KAT7: variants seen among roughly 807,000 people sequenced by gnomAD.
KAT7 encodes the protein histone acetyltransferase KAT7.
KAT7 carries 10 observed loss-of-function variants against 82.1 expected under a neutral mutation model. The observed-to-expected ratio is 0.12, with a 90% CI of 0.08 to 0.21. The LOEUF is 0.21. Ranked by LOEUF, KAT7 falls within the 10% of genes least tolerant of loss-of-function variation. The pLI is 1.00. For synonymous variants in KAT7, 250 were observed against 262.5 expected (o/e 0.95, Z 0.46); for missense variants, 378 against 760.9 (o/e 0.50, Z 5.92).
At chr17:49,793,921 A>C (rs1001842678) in intron 2 of KAT7, among the ~76,000 whole-genome samples, 7 of 152,134 alleles carry the variant, frequency 4.6e-5, no homozygotes, top group African/African-American at 1.7e-4. Context: ...AAAAACCATC[A>C]GTTTTTCAAG....
rs16948371 is a variant in KAT7, at chr17:49,788,714, A to C, written c.-121A>C. ...CTCCAGACGCTGAGAGGCAGGAGGC[A>C]CTAGGGATCGTCCGCAGGATTGGGA... is the stretch of plus-strand genomic sequence containing the variant. On this transcript the variant is annotated 5_prime_UTR_variant, in exon 1 of 15. Coordinates refer to ENST00000259021, the MANE Select transcript of KAT7 (RefSeq NM_007067.5). The C allele has an allele frequency of 1.8e-6, 2 of 1,104,266 alleles. No individual in the cohort carries two copies. Among genetic ancestry groups the C allele is most frequent in the Non-Finnish European group, 2.5e-6 (2 of 787,062 alleles). The allele number at this position is 1,104,266 out of a possible 1,614,324, so 68.4% of individuals were successfully genotyped here. A position where few individuals can be genotyped will look rare whatever the true frequency, so the allele number is the denominator to read the frequency against.
intron 5 of KAT7, among the ~76,000 whole-genome samples, chr17:49,808,819 T>G (rs1446201655): frequency 6.6e-6 from 1 of 152,220 alleles, no homozygotes; most frequent in African/African-American, 2.4e-5. Context: ...TCATGCTTTT[T>G]TAATTTATTT....
rs2074394273 is a variant in KAT7, at chr17:49,828,522, A to G, written c.*1020A>G. On this transcript the variant is annotated 3_prime_UTR_variant, in exon 15 of 15. Transcript: ENST00000259021. ...CCGTATCTCAGCCCATGACTCAGCA[A>G]GGCAGAATGGCCACCCCTGCCAAAG... 4 of 152,638 alleles carry G rather than the reference A, an allele frequency of 2.6e-5. No individual in the cohort carries two copies. The highest frequency in any genetic ancestry group is 5.9e-5 in the Non-Finnish European group (4 of 68,050). 9.5% of individuals were successfully genotyped at this position (152,638 alleles called of 1,614,324 possible). A position where few individuals can be genotyped will look rare whatever the true frequency, so the allele number is the denominator to read the frequency against.
At position 49,809,194 on chromosome 17, in the gene KAT7, G is replaced by A. The variant is rs2074130541; in HGVS notation, c.739G>A (p.Ala247Thr). ...SHRQDDNNRH[A>T]TRHQAPTERQ... The stretch of plus-strand genomic sequence containing the variant: ...CAGGCAAGATGACAACAACAGGCAT[G>A]CAACCAGGCACCAGGTATGGGCCTT... The change falls in exon 6 of 15, where the codon GCA (alanine) becomes ACA (threonine). Residue 247 changes from alanine to threonine, a missense_variant. This residue lies in a region of KAT7 where 102 missense variants were observed against 129.8 expected (regional missense o/e 0.79). Transcript: ENST00000259021. 1 of 1,613,820 alleles carries A rather than the reference G, an allele frequency of 6.2e-7. No homozygotes were observed. The highest frequency in any genetic ancestry group is 1.7e-5 in the Admixed American group (1 of 60,008).
chr17:49,822,250 CAG>C (rs923559331), intron 11 of KAT7, among the ~76,000 whole-genome samples: 214 of 150,680 alleles, frequency 1.4e-3, no homozygotes, highest in African/African-American at 5.0e-3. Flanking sequence ...TTTTTTCTGA[CAG>C]AGTCTCACTC....
intron 1 of KAT7, among the ~76,000 whole-genome samples, chr17:49,790,446 C>T (rs1377501248): frequency 6.6e-6 from 1 of 152,198 alleles, no homozygotes; most frequent in Non-Finnish European, 1.5e-5. Flanking sequence ...ATCCACCCGC[C>T]TCGGCCTCCC....
At chr17:49,814,816 G>C (rs1162160770) in intron 7 of KAT7, 2 of 152,118 alleles carry the variant, frequency 1.3e-5, no homozygotes, top group Admixed American at 6.5e-5. Context: ...ACAGCAGATG[G>C]AATCAGATTA....
At chr17:49,815,598 T>C in intron 7 of KAT7, 1 of 434,564 alleles carries the variant, frequency 2.3e-6, no homozygotes, top group East Asian at 3.4e-5. Flanking sequence ...GCATTTCCTC[T>C]CCAGAATCAC....
intron 4 of KAT7, 30 bp from the exon 5 acceptor site, chr17:49,805,333 C>A: frequency 6.8e-7 from 1 of 1,465,418 alleles, no homozygotes; most frequent in African/African-American, 1.4e-5. Context: ...TGTCTTCTTT[C>A]TTGAGATTAA....
intron 12 of KAT7, chr17:49,823,506 A>T (rs2074331203): frequency 2.0e-6 from 1 of 492,356 alleles, no homozygotes; most frequent in East Asian, 3.7e-5. Context: ...CTCCTTAATG[A>T]GTAGGAGGTA....
At chr17:49,817,187 G>A (rs2074245063) in intron 8 of KAT7, among the ~76,000 whole-genome samples, 3 of 152,142 alleles carry the variant, frequency 2.0e-5, no homozygotes, top group South Asian at 2.1e-4. Flanking sequence ...TAAGGGTGGG[G>A]AGTTTGTATC....
intron 1 of KAT7, chr17:49,789,132 C>T (rs936142442): frequency 1.1e-4 from 35 of 316,188 alleles, no homozygotes; most frequent in Non-Finnish European, 1.8e-4. Context: ...CTGGTGACGC[C>T]GCCTGTTTGG....
intron 11 of KAT7, among the ~76,000 whole-genome samples, 177 bp from the exon 12 acceptor site, chr17:49,823,024 AT>A (rs1299361140): frequency 1.3e-5 from 2 of 152,182 alleles, no homozygotes; most frequent in Non-Finnish European, 2.9e-5. Flanking sequence ...TCCTGGGATG[AT>A]TAATGGCTTT....
At chr17:49,818,780 C>T (rs1187149840) in intron 9 of KAT7, among the ~76,000 whole-genome samples, 2 of 151,462 alleles carry the variant, frequency 1.3e-5, no homozygotes, top group African/African-American at 2.4e-5. Context: ...GCTCTGTTGA[C>T]CAGGCTGGAG....
At chr17:49,819,027 G>A (rs546954430) in intron 9 of KAT7, among the ~76,000 whole-genome samples, 3 of 152,150 alleles carry the variant, frequency 2.0e-5, no homozygotes, top group Admixed American at 6.5e-5. Context: ...ATGAGCCACT[G>A]TGCCCAGCCC....
chr17:49,834,560 T>C lies in KAT7; in HGVS notation c.*7058T>C, dbSNP rs1035431870. ...CTGGCTTTCAAGTCTTTCCGTAAGC[T>C]GACTCAACCTACATAGCTTTCATCA... On this transcript the variant is annotated 3_prime_UTR_variant, in exon 15 of 15. Transcript: ENST00000259021. 3.3e-5 allele frequency: 5 copies of C among 152,280 alleles called. No homozygotes were observed. The highest frequency in any genetic ancestry group is 1.2e-4 in the African/African-American group (5 of 41,480). The allele number at this position is 152,280 out of a possible 1,614,324, so 9.4% of individuals were successfully genotyped here.
At chr17:49,809,516 A>G (rs554780366) in intron 6 of KAT7, among the ~76,000 whole-genome samples, 1 of 152,292 alleles carries the variant, frequency 6.6e-6, no homozygotes, top group East Asian at 1.9e-4. Flanking sequence ...CTTTAAGACT[A>G]TTGTAGCTTT....
chr17:49,809,543 G>A (rs1399013064), intron 6 of KAT7, among the ~76,000 whole-genome samples: 2 of 152,102 alleles, frequency 1.3e-5, no homozygotes, highest in Non-Finnish European at 2.9e-5. Context: ...TCTCCACTCT[G>A]CTAGCACCTT....
chr17:49,808,875 TA>T (rs1179919827), intron 5 of KAT7, among the ~76,000 whole-genome samples: 1 of 152,198 alleles, frequency 6.6e-6, no homozygotes, highest in African/African-American at 2.4e-5. Flanking sequence ...CAGACATGAT[TA>T]AAACCTTAGT....
Sources: allele counts gnomAD v4.1 joint callset (sites outside exome capture counted in the v4.1 genomes callset), GRCh38; gene constraint gnomAD v4.1.1; regional missense constraint gnomAD v4.1.1; transcripts MANE v1.5; gene names NCBI Gene and HGNC (gene_info 2026-07-23, HGNC 2026-07-21).